The following KATNIP variants were observed in gnomAD, a reference collection of about 807,000 sequenced individuals.
KATNIP encodes the protein katanin-interacting protein.
Under a neutral mutation model 174.0 loss-of-function variants are expected in KATNIP, and 126 were observed. That is an observed-to-expected ratio of 0.72 (90% CI 0.63 to 0.84). The LOEUF is 0.84. Among genes scored for constraint, KATNIP ranks in the 40% least tolerant of loss-of-function variants. KATNIP has a pLI of 0.00. For synonymous variants in KATNIP, 810 were observed against 835.7 expected (o/e 0.97, Z 0.53); for missense variants, 1,958 against 2,109.7 (o/e 0.93, Z 1.41).
rs772569415 is a variant in KATNIP at position 27,692,234 on chromosome 16, A to G, written c.941-6094A>G. ...GGTGCATTTGTTTAGCTTTGACACAATCTTGGTCCCTTATTTATGGAATTG... is the reference window on the plus strand; with the variant it reads ...GGTGCATTTGTTTAGCTTTGACACAGTCTTGGTCCCTTATTTATGGAATTG... On this transcript the variant is annotated intron_variant, in intron 8 of 27. Transcript: ENST00000261588. Among the ~76,000 whole-genome samples the G allele has an allele frequency of 3.5e-4, 54 of 152,200 alleles. 1 individual carries two copies. The highest frequency in any genetic ancestry group is 1.0e-3 in the Admixed American group (16 of 15,278).
At chr16:27,620,745 A>G (rs116736848) in intron 3 of KATNIP, among the ~76,000 whole-genome samples, 1 of 152,052 alleles carries the variant, frequency 6.6e-6, no homozygotes, top group Non-Finnish European at 1.5e-5. Context: ...AGAAGGGGGG[A>G]TGTAATCGTT....
intron 6 of KATNIP, among the ~76,000 whole-genome samples, chr16:27,649,278 C>T (rs1396346642): frequency 3.9e-5 from 6 of 152,206 alleles, no homozygotes; most frequent in Non-Finnish European, 7.3e-5. Context: ...GAGTCCATGT[C>T]GGTTTAGCAG....
In KATNIP at chr16:27,608,882, C is replaced by T. The variant is rs541170293; in HGVS notation, c.64-9543C>T. 3.5e-4 allele frequency among the ~76,000 whole-genome samples: 54 copies of T among 152,228 alleles called. 1 individual carries two copies. In the South Asian group the frequency reaches 0.011, roughly 32 times the overall value. ...CCGGCAATCTAGCCAATTCTTGATTCCCCCTTATCCCCCTGCAAGCGCCAC... is the reference window on the plus strand; with the variant it reads ...CCGGCAATCTAGCCAATTCTTGATTTCCCCTTATCCCCCTGCAAGCGCCAC... On this transcript the variant is annotated intron_variant, in intron 2 of 27. Coordinates refer to ENST00000261588, the MANE Select transcript of KATNIP (RefSeq NM_015202.5).
At chr16:27,556,901 A>T (rs185028557) in intron 1 of KATNIP, among the ~76,000 whole-genome samples, 7 of 152,220 alleles carry the variant, frequency 4.6e-5, no homozygotes, top group Admixed American at 1.3e-4. Flanking sequence ...CAATCCTTCT[A>T]TCTGATTAGT....
In KATNIP at chr16:27,779,170, G is replaced by C. The variant is rs1420650571; in HGVS notation, c.*541G>C. The C allele has an allele frequency of 6.5e-6, 1 of 152,752 alleles. No individual in the cohort carries two copies. The highest frequency in any genetic ancestry group is 1.5e-5 in the Non-Finnish European group (1 of 68,438). 9.5% of individuals were successfully genotyped at this position (152,752 alleles called of 1,614,324 possible). The stretch of plus-strand genomic sequence containing the variant: ...GGGGACTGGTGGAGCTGGCTGAGAG[G>C]TTGGGGTAGTTTCCTGGTTACAGGG... On this transcript the variant is annotated 3_prime_UTR_variant, in exon 28 of 28. Transcript: ENST00000261588.
intron 2 of KATNIP, among the ~76,000 whole-genome samples, chr16:27,591,417 T>A (rs1002133443): frequency 6.6e-6 from 1 of 152,022 alleles, no homozygotes; most frequent in African/African-American, 2.4e-5. Flanking sequence ...TCTTTTGACC[T>A]CGTGATCCAC....
chr16:27,663,535 G>A lies in KATNIP; in HGVS notation c.541-14194G>A, dbSNP rs186769462. 3.6e-3 allele frequency among the ~76,000 whole-genome samples: 539 copies of A among 151,758 alleles called. 1 individual carries two copies. Among genetic ancestry groups the A allele is most frequent in the African/African-American group, 0.012 (481 of 41,372 alleles). The stretch of plus-strand genomic sequence containing the variant: ...TCTTGCTCGGCTCACTGCAACCTCC[G>A]TCTCCCAGGCTCAAGTGATTCGCCT... On this transcript the variant is annotated intron_variant, in intron 6 of 27. Transcript: ENST00000261588.
chr16:27,747,687 G>A (rs2081342451), intron 15 of KATNIP, among the ~76,000 whole-genome samples: 2 of 145,712 alleles, frequency 1.4e-5, no homozygotes, highest in South Asian at 4.8e-4. Context: ...AGTGGAAGGG[G>A]AAGTGGAGTT....
At chr16:27,580,409 G>C (rs1412296586) in intron 2 of KATNIP, among the ~76,000 whole-genome samples, 1 of 152,176 alleles carries the variant, frequency 6.6e-6, no homozygotes, top group Admixed American at 6.5e-5. Context: ...CACCTAGCCT[G>C]GTCCTTGTTG....
chr16:27,608,989 C>T (rs185808500), intron 2 of KATNIP, among the ~76,000 whole-genome samples: 1 of 152,206 alleles, frequency 6.6e-6, no homozygotes, highest in Non-Finnish European at 1.5e-5. Context: ...TCCTCTGGCC[C>T]GTCCATGAAC....
chr16:27,668,958 G>A (rs2142613010), intron 6 of KATNIP, among the ~76,000 whole-genome samples: 1 of 152,246 alleles, frequency 6.6e-6, no homozygotes, highest in African/African-American at 2.4e-5. Flanking sequence ...GTGAGCCAAG[G>A]TGGTGTTACT....
At chr16:27,621,550 G>A (rs558588833) in intron 3 of KATNIP, among the ~76,000 whole-genome samples, 1 of 152,072 alleles carries the variant, frequency 6.6e-6, no homozygotes, top group Non-Finnish European at 1.5e-5. Flanking sequence ...CCTGGCATGG[G>A]CCCAATTCCA....
intron 14 of KATNIP, among the ~76,000 whole-genome samples, chr16:27,738,712 T>C (rs186820086): frequency 6.6e-6 from 1 of 152,328 alleles, no homozygotes; most frequent in African/African-American, 2.4e-5. Flanking sequence ...GAACTTGTTC[T>C]GAGTCCAGAA....
At position 27,697,621 on chromosome 16, in the gene KATNIP, A is replaced by T. The variant is rs181749141; in HGVS notation, c.941-707A>T. Among the ~76,000 whole-genome samples, 131 of 150,348 alleles carry T rather than the reference A, an allele frequency of 8.7e-4. 1 individual carries two copies. In the East Asian group the frequency reaches 0.017, roughly 20 times the overall value. Reference sequence around the variant, plus strand: ...TTATATATAATTATACAAAAATTATATATACAGAAATATTATGCACACACA... The same window carrying T: ...TTATATATAATTATACAAAAATTATTTATACAGAAATATTATGCACACACA... On this transcript the variant is annotated intron_variant, in intron 8 of 27. Coordinates refer to ENST00000261588, the MANE Select transcript of KATNIP (RefSeq NM_015202.5).
At chr16:27,603,123 G>A (rs951671436) in intron 2 of KATNIP, among the ~76,000 whole-genome samples, 8 of 152,228 alleles carry the variant, frequency 5.3e-5, no homozygotes, top group African/African-American at 1.9e-4. Context: ...AAATGCAAAA[G>A]CCTGAAAAGA....
chr16:27,764,304 T>A (rs2082055807), intron 19 of KATNIP, among the ~76,000 whole-genome samples: 1 of 152,216 alleles, frequency 6.6e-6, no homozygotes, highest in South Asian at 2.1e-4. Flanking sequence ...TTTTTAGGGA[T>A]TATTATGAAC....
At position 27,749,608 on chromosome 16, in the gene KATNIP, C is replaced by T. The variant is rs778621723; in HGVS notation, c.2648C>T (p.Pro883Leu). 25 of 1,534,796 alleles carry T rather than the reference C, an allele frequency of 1.6e-5. No homozygotes were observed. The highest frequency in any genetic ancestry group is 2.1e-5 in the Admixed American group (1 of 47,038). Residue 883 changes from proline (P) to leucine (L), a missense_variant, in exon 16 of 28, where the codon CCG becomes CTG. Physicochemically the swap from Pro to Leu is moderately conservative, Grantham distance 98. Transcript: ENST00000261588. ...GAAGACACCTGGTCTTCCAGGACGC[C>T]GTCACGGTCAAGGTGGCGCAGTGAG... is the stretch of plus-strand genomic sequence containing the variant. ...SREDTWSSRT[P>L]SRSRWRSEQE...
intron 8 of KATNIP, 42 bp downstream of exon 8, chr16:27,681,572 G>A (rs1203819020): frequency 3.1e-6 from 5 of 1,612,344 alleles, no homozygotes; most frequent in Non-Finnish European, 3.4e-6. Context: ...GCAGGGCTGC[G>A]ACTGGGTCAC....
chr16:27,664,216 G>A (rs544663811), intron 6 of KATNIP, among the ~76,000 whole-genome samples: 3 of 152,140 alleles, frequency 2.0e-5, no homozygotes, highest in African/African-American at 7.2e-5. Context: ...TTCTAATTTG[G>A]CCACATTATG....
Sources: allele counts gnomAD v4.1 joint callset (sites outside exome capture counted in the v4.1 genomes callset), GRCh38; gene constraint gnomAD v4.1.1; transcripts MANE v1.5; gene names NCBI Gene and HGNC (gene_info 2026-07-23, HGNC 2026-07-21).